HECW2: variants seen among roughly 807,000 people sequenced by gnomAD.
The protein encoded by HECW2 is E3 ubiquitin-protein ligase HECW2.
Under a neutral mutation model 175.2 loss-of-function variants are expected in HECW2, and 61 were observed. That is an observed-to-expected ratio of 0.35 (90% confidence interval 0.28 to 0.43). The LOEUF (loss-of-function observed/expected upper bound fraction) is 0.43. HECW2 is among the 20% of genes least tolerant of loss of function. The pLI, the probability that HECW2 is intolerant of heterozygous loss-of-function variation, is 1.00. For synonymous variants in HECW2, 671 were observed against 731.0 expected (o/e 0.92, Z 1.32); for missense variants, 1,524 against 2,000.5 (o/e 0.76, Z 4.54).
At chr2:196,250,409 C>T (rs1688812120) in intron 19 of HECW2, among the ~76,000 whole-genome samples, 1 of 152,190 alleles carries the variant, frequency 6.6e-6, no homozygotes, top group African/African-American at 2.4e-5. Flanking sequence ...ACACATTAAC[C>T]TTTATTGGCT....
At chr2:196,472,124 G>A (rs1361948835) in intron 1 of HECW2, among the ~76,000 whole-genome samples, 2 of 150,138 alleles carry the variant, frequency 1.3e-5, no homozygotes, top group Admixed American at 6.7e-5. Context: ...TTTAGAGGGC[G>A]AAAAAAAAAT....
intron 26 of HECW2, among the ~76,000 whole-genome samples, chr2:196,219,092 A>G (rs914060322): frequency 1.3e-5 from 2 of 152,334 alleles, no homozygotes; most frequent in African/African-American, 4.8e-5. Context: ...CAACTTAGAG[A>G]TAACTAGAGA....
At chr2:196,548,783 C>A (rs1338899522) in intron 1 of HECW2, among the ~76,000 whole-genome samples, 1 of 152,118 alleles carries the variant, frequency 6.6e-6, no homozygotes, top group Non-Finnish European at 1.5e-5. Flanking sequence ...CTTCTTGGGG[C>A]TGTGAGGGAA....
At chr2:196,372,661 C>G (rs1022398915) in intron 2 of HECW2, among the ~76,000 whole-genome samples, 3 of 152,138 alleles carry the variant, frequency 2.0e-5, no homozygotes, top group African/African-American at 7.2e-5. Context: ...AATTGTGTCC[C>G]CCTTTGAGAA....
intron 2 of HECW2, among the ~76,000 whole-genome samples, chr2:196,371,545 G>A (rs189640969): frequency 1.5e-3 from 233 of 152,308 alleles, no homozygotes; most frequent in Middle Eastern, 6.8e-3. Flanking sequence ...TCTGAGATAG[G>A]TCTAGAAACT....
chr2:196,306,277 G>A (rs1211746090), intron 13 of HECW2, among the ~76,000 whole-genome samples: 2 of 152,162 alleles, frequency 1.3e-5, no homozygotes, highest in African/African-American at 4.8e-5. Context: ...AGGCCACCCA[G>A]CTTACAGTGC....
At chr2:196,208,355 A>G (rs1046119537) in intron 28 of HECW2, among the ~76,000 whole-genome samples, 7 of 152,258 alleles carry the variant, frequency 4.6e-5, no homozygotes, top group Non-Finnish European at 1.0e-4. Flanking sequence ...GTCCAAAGTT[A>G]TCCCTAAAGA....
chr2:196,457,716 T>C (rs907127167), intron 1 of HECW2, among the ~76,000 whole-genome samples: 1 of 152,188 alleles, frequency 6.6e-6, no homozygotes, highest in Non-Finnish European at 1.5e-5. Flanking sequence ...ACCTCTTAGC[T>C]CTACAAATTT....
chr2:196,547,246 G>A (rs751653979), intron 1 of HECW2, among the ~76,000 whole-genome samples: 54 of 152,118 alleles, frequency 3.5e-4, no homozygotes, highest in Non-Finnish European at 7.2e-4. Context: ...ATTCCATGAT[G>A]GGCTATAACC....
chr2:196,583,190 C>G (rs1237574966), intron 1 of HECW2, among the ~76,000 whole-genome samples: 1 of 152,156 alleles, frequency 6.6e-6, no homozygotes, highest in Admixed American at 6.5e-5. Context: ...ATCACCAATC[C>G]TAAATATCAC....
At chr2:196,590,762 C>T (rs1181772772) in intron 1 of HECW2, among the ~76,000 whole-genome samples, 2 of 152,226 alleles carry the variant, frequency 1.3e-5, no homozygotes, top group Non-Finnish European at 2.9e-5. Context: ...TCCTCAACTA[C>T]AGGTAACAAC....
At chr2:196,463,231 C>T (rs1201504533) in intron 1 of HECW2, among the ~76,000 whole-genome samples, 1 of 151,982 alleles carries the variant, frequency 6.6e-6, no homozygotes, top group East Asian at 1.9e-4. Context: ...CAGGTGATTG[C>T]ATTATCAATT....
intron 1 of HECW2, among the ~76,000 whole-genome samples, chr2:196,460,381 C>A (rs13426873): frequency 0.23 from 34,578 of 151,832 alleles, 4,640 homozygotes; most frequent in African/African-American, 0.38. Flanking sequence ...TCAATATTCA[C>A]CCTAATTAGA....
chr2:196,584,168 GA>G (rs1690893208), intron 1 of HECW2, among the ~76,000 whole-genome samples: 1 of 152,230 alleles, frequency 6.6e-6, no homozygotes, highest in African/African-American at 2.4e-5. Context: ...AAGGGCAATG[GA>G]GACCTGGGGC....
chr2:196,281,567 G>A (rs1334017834), intron 14 of HECW2, among the ~76,000 whole-genome samples: 9 of 145,932 alleles, frequency 6.2e-5, no homozygotes, highest in African/African-American at 2.2e-4. Context: ...TTGAGCCTGG[G>A]AGGTGGTGAT....
At chr2:196,212,237 T>C (rs1475722393) in intron 28 of HECW2, among the ~76,000 whole-genome samples, 1 of 152,072 alleles carries the variant, frequency 6.6e-6, no homozygotes, top group African/African-American at 2.4e-5. Flanking sequence ...CTTGTGCAAG[T>C]TTGTTATAGA....
chr2:196,326,249 T>C (rs78643057), intron 5 of HECW2, among the ~76,000 whole-genome samples: 13 of 152,020 alleles, frequency 8.6e-5, no homozygotes, highest in African/African-American at 2.2e-4. Flanking sequence ...CTTAGAAAAA[T>C]AGAATTGGCC....
At chr2:196,374,375 T>C (rs1693991892) in intron 2 of HECW2, among the ~76,000 whole-genome samples, 6 of 152,258 alleles carry the variant, frequency 3.9e-5, no homozygotes, top group Admixed American at 3.9e-4. Flanking sequence ...AAAATGTTCA[T>C]AGTAGTTATA....
At position 196,318,825 on chromosome 2, in the gene HECW2, T is replaced by C. The variant is rs779947668; in HGVS notation, c.2065A>G (p.Thr689Ala). 6.5e-7 allele frequency: 1 copy of C among 1,536,656 alleles called. No homozygotes were observed. Among genetic ancestry groups the C allele is most frequent in the Non-Finnish European group, 8.8e-7 (1 of 1,140,990 alleles). The stretch of plus-strand genomic sequence containing the variant: ...GACCCTTCGGCAGGGCCACTGCTGG[T>C]GGGCTCTGCTGCACAGGCTCCGTCT... ...EEDGACAAEPTSSGPAEGSQE... is the reference protein window; with the variant it reads ...EEDGACAAEPASSGPAEGSQE... The change falls in exon 9 of 29, where the codon ACC becomes GCC. Residue 689 changes from threonine to alanine, a missense_variant. Physicochemically the swap from Thr to Ala is moderately conservative, Grantham distance 58. Around this residue, in one of 11 missense-constraint regions of HECW2, gnomAD observed 604 missense variants for 588.3 expected, o/e 1.03. Transcript: ENST00000644978.
Sources: gnomAD v4.1 joint callset for allele counts (sites outside exome capture counted in the v4.1 genomes callset) on GRCh38, gnomAD v4.1.1 for gene constraint, gnomAD v4.1.1 regional missense constraint, MANE v1.5 for transcripts, NCBI Gene and HGNC (gene_info 2026-07-23, HGNC 2026-07-21) for gene names.